Variants in ITGAL observed in about 807,000 individuals in gnomAD.
ITGAL encodes integrin alpha-L.
Under a neutral mutation model 138.4 loss-of-function variants are expected in ITGAL, and 68 were observed. The observed-to-expected ratio is 0.49, with a 90% confidence interval of 0.40 to 0.60. ITGAL has a LOEUF of 0.60. Ranked by LOEUF, ITGAL falls within the 20% of genes least tolerant of loss-of-function variation. The probability of loss-of-function intolerance (pLI) is 0.00; values close to 1 mark genes in which losing one functional copy is unlikely to be tolerated. For missense variants in ITGAL, 1,256 were observed against 1,478.6 expected (o/e 0.85, Z 2.47); for synonymous variants, 561 against 584.3 (o/e 0.96, Z 0.57).
chr16:30,519,522 A>G (rs2051220113), intron 29 of ITGAL, among the ~76,000 whole-genome samples: 1 of 152,172 alleles, frequency 6.6e-6, no homozygotes, highest in African/African-American at 2.4e-5. Flanking sequence ...GGCAGGTTTG[A>G]AGAGCAGGAA....
intron 9 of ITGAL, among the ~76,000 whole-genome samples, chr16:30,488,497 G>C (rs2050678253): frequency 6.6e-6 from 1 of 151,854 alleles, no homozygotes; most frequent in Non-Finnish European, 1.5e-5. Context: ...TGGATCACCT[G>C]AGTTCGAGAC....
chr16:30,499,016 T>C, intron 15 of ITGAL, 58 bp from the exon 16 acceptor site: 2 of 1,557,778 alleles, frequency 1.3e-6, no homozygotes, highest in Non-Finnish European at 1.7e-6. Context: ...GCCCCACATC[T>C]GAGGGGGGAC....
chr16:30,496,608 T>C (rs1349950448), intron 15 of ITGAL, 42 bp downstream of exon 15: 3 of 1,515,534 alleles, frequency 2.0e-6, no homozygotes, highest in Admixed American at 2.4e-5. Flanking sequence ...ACCCCAGCTC[T>C]TATCCTGTTT....
At chr16:30,504,059 T>C in intron 17 of ITGAL, 116 bp from the exon 18 acceptor site, 1 of 807,490 alleles carries the variant, frequency 1.2e-6, no homozygotes, top group Non-Finnish European at 2.1e-6. Context: ...GGTAGGGTCT[T>C]AGACAAAGAA....
At chr16:30,502,396 C>CAAAAAA (rs57501055) in intron 17 of ITGAL, among the ~76,000 whole-genome samples, 3 of 80,118 alleles carry the variant, frequency 3.7e-5, no homozygotes, top group African/African-American at 7.2e-5. Flanking sequence ...GACTCCATCT[C>CAAAAAA]AAAAAAAAAA....
rs149184513 is a variant in ITGAL, at chr16:30,511,487, A to T, written c.2786+351A>T. 1.4e-4 allele frequency among the ~76,000 whole-genome samples: 21 copies of T among 152,338 alleles called. No homozygotes were observed. In the East Asian group the frequency reaches 3.1e-3, roughly 22 times the overall value. On this transcript the variant is annotated intron_variant, in intron 24 of 30. Coordinates refer to ENST00000356798, the MANE Select transcript of ITGAL (RefSeq NM_002209.3). ...GTGCCGCTCTCCATTTTACCAATGA[A>T]CAAGCTGAGGCTCAGAGAAGGCCGG...
chr16:30,510,230 G>C, intron 21 of ITGAL, 131 bp from the exon 22 acceptor site: 3 of 658,274 alleles, frequency 4.6e-6, no homozygotes, highest in Non-Finnish European at 8.2e-6. Context: ...TGATTCTTGG[G>C]CCCTTTCCCG....
intron 21 of ITGAL, among the ~76,000 whole-genome samples, chr16:30,507,732 C>T (rs1333866372): frequency 2.0e-5 from 3 of 151,972 alleles, no homozygotes; most frequent in Non-Finnish European, 1.5e-5. Context: ...AGCGATCTGC[C>T]TACCTCAGCC....
Position 30,517,896 on chromosome 16 carries a change from G to A in ITGAL, c.3132+1G>A. 7 of 1,613,432 alleles carry A rather than the reference G, an allele frequency of 4.3e-6. No individual in the cohort carries two copies. The highest frequency in any genetic ancestry group is 3.3e-5 in the South Asian group (3 of 91,066). On this transcript the variant is annotated splice_donor_variant, in intron 28 of 30. Coordinates refer to ENST00000356798, the MANE Select transcript of ITGAL (RefSeq NM_002209.3). LOFTEE classifies it high-confidence loss of function. Reference sequence around the variant, plus strand: ...TCTGGAGCTGGTGGGAGAGATCGAGGTAGTCCCCGCTCCTAAGAGATGTGG... The same window carrying A: ...TCTGGAGCTGGTGGGAGAGATCGAGATAGTCCCCGCTCCTAAGAGATGTGG...
chr16:30,473,000 G>A, intron 1 of ITGAL, 102 bp downstream of exon 1: 1 of 1,106,548 alleles, frequency 9.0e-7, no homozygotes, highest in Non-Finnish European at 1.4e-6. Flanking sequence ...CCCTAAAAGT[G>A]GGATTGGCCT....
At chr16:30,503,981 A>G (rs1249047517) in intron 17 of ITGAL, 194 bp from the exon 18 acceptor site, 1 of 502,910 alleles carries the variant, frequency 2.0e-6, no homozygotes. Context: ...CAGGGATGAT[A>G]ACTGTGCTGA....
At chr16:30,502,800 T>C (rs1383170813) in intron 17 of ITGAL, among the ~76,000 whole-genome samples, 2 of 147,378 alleles carry the variant, frequency 1.4e-5, no homozygotes, top group African/African-American at 2.4e-5. Context: ...ACATAAGAAT[T>C]TGAAGTTTGT....
At chr16:30,475,811 C>G (rs902579426) in intron 4 of ITGAL, among the ~76,000 whole-genome samples, 1 of 129,364 alleles carries the variant, frequency 7.7e-6, no homozygotes, top group Admixed American at 9.2e-5. Flanking sequence ...AGTGCAGTGG[C>G]GTGATCACAG....
chr16:30,514,931 TCTC>T (rs2051145288), intron 25 of ITGAL, among the ~76,000 whole-genome samples: 1 of 151,726 alleles, frequency 6.6e-6, no homozygotes, highest in Non-Finnish European at 1.5e-5. Context: ...TTCAAGCAAT[TCTC>T]CTGCTTCAGC....
chr16:30,519,842 T>TC lies in ITGAL; in HGVS notation c.3229-10dup. The TC allele has an allele frequency of 6.4e-7, 1 of 1,568,200 alleles. No homozygotes were observed. The highest frequency in any genetic ancestry group is 8.8e-7 in the Non-Finnish European group (1 of 1,138,428). On this transcript the variant is annotated splice_polypyrimidine_tract_variant and intron_variant, in intron 29 of 30. Transcript: ENST00000356798. ...GAAAAGGCATTTTCCGGCACTCCCC[T>TC]CCCCCTGCTCCCAGGTTGTCATGAA...
At position 30,482,844 on chromosome 16, in the gene ITGAL, A is replaced by G. The variant is rs182806409; in HGVS notation, c.723-983A>G. 3.6e-4 allele frequency among the ~76,000 whole-genome samples: 55 copies of G among 151,334 alleles called. 1 individual carries two copies. In the East Asian group the frequency reaches 0.01, roughly 29 times the overall value. ...GGAATTTTCTTTTTCTTTTTTTTTTAGAGTCAAGGTCTCACTCTGTTGCCC... is the reference window on the plus strand; with the variant it reads ...GGAATTTTCTTTTTCTTTTTTTTTTGGAGTCAAGGTCTCACTCTGTTGCCC... On this transcript the variant is annotated intron_variant, in intron 7 of 30. Transcript: ENST00000356798.
intron 21 of ITGAL, 105 bp downstream of exon 21, chr16:30,506,961 G>C (rs937671642): frequency 8.2e-7 from 1 of 1,222,888 alleles, no homozygotes; most frequent in Non-Finnish European, 1.2e-6. Flanking sequence ...GGGCAGCTGC[G>C]GGTGGACAGG....
At chr16:30,491,669 C>T (rs2050725747) in intron 11 of ITGAL, among the ~76,000 whole-genome samples, 1 of 151,680 alleles carries the variant, frequency 6.6e-6, no homozygotes, top group African/African-American at 2.4e-5. Context: ...CTCACTTTGT[C>T]ACCTAGGCTG....
Position 30,510,955 on chromosome 16 carries a change from G to A in ITGAL, c.2694G>A (p.Val898=). ...WGDSVELHAN[V]TCNNEDSDLL... ...ACTCGGTTGAATTGCACGCCAATGT[G>A]ACCTGGTGAGCAGGCCCCGCCCACA... Residue 898 remains valine, a synonymous_variant, in exon 23 of 31, where the codon GTG becomes GTA. Coordinates refer to ENST00000356798, the MANE Select transcript of ITGAL (RefSeq NM_002209.3). 1 of 1,613,852 alleles carries A rather than the reference G, an allele frequency of 6.2e-7. No individual in the cohort carries two copies. Among genetic ancestry groups the A allele is most frequent in the Non-Finnish European group, 8.5e-7 (1 of 1,179,904 alleles).
Sources: gnomAD v4.1 joint callset for allele counts (sites outside exome capture counted in the v4.1 genomes callset) on GRCh38, gnomAD v4.1.1 for gene constraint, MANE v1.5 for transcripts, NCBI Gene and HGNC (gene_info 2026-07-23, HGNC 2026-07-21) for gene names.